Variants in SPIDR observed in about 807,000 individuals in gnomAD.
SPIDR encodes the protein scaffold protein involved in DNA repair, also known as DNA repair-scaffolding protein.
SPIDR carries 93 observed loss-of-function variants against 104.6 expected under a neutral mutation model. That is an observed-to-expected ratio of 0.89 (90% CI 0.75 to 1.06). SPIDR has a LOEUF of 1.06. SPIDR is among the 50% of genes least tolerant of loss of function. The pLI is 0.00. For synonymous variants in SPIDR, 431 were observed against 416.9 expected, an observed-to-expected ratio of 1.03 and a Z score of -0.41; for missense variants, 1,154 against 1,111.2, an observed-to-expected ratio of 1.04 and a Z score of -0.55.
intron 8 of SPIDR, among the ~76,000 whole-genome samples, chr8:47,485,518 A>T (rs544726899): frequency 6.6e-6 from 1 of 152,212 alleles, no homozygotes; most frequent in Non-Finnish European, 1.5e-5. Flanking sequence ...TTCTCCCAGC[A>T]CAGAGTCTGA....
At chr8:47,534,970 T>G (rs933008513) in intron 8 of SPIDR, among the ~76,000 whole-genome samples, 5 of 152,130 alleles carry the variant, frequency 3.3e-5, no homozygotes, top group African/African-American at 1.2e-4. Context: ...CCATTACTAC[T>G]GATCCCATAG....
At chr8:47,702,950 TGGCCAGCAACCTC>T (rs2080527629) in intron 14 of SPIDR, among the ~76,000 whole-genome samples, 1 of 152,194 alleles carries the variant, frequency 6.6e-6, no homozygotes, top group Non-Finnish European at 1.5e-5. Context: ...GCTGGCACCT[TGGCCAGCAACCTC>T]GGCCAGGTGC....
chr8:47,539,721 A>G (rs1281623112), intron 8 of SPIDR, among the ~76,000 whole-genome samples: 1 of 151,622 alleles, frequency 6.6e-6, no homozygotes, highest in African/African-American at 2.4e-5. Context: ...ATACCTGACA[A>G]TCTTAAGGTC....
At chr8:47,349,682 G>T (rs995098379) in intron 5 of SPIDR, among the ~76,000 whole-genome samples, 1 of 152,212 alleles carries the variant, frequency 6.6e-6, no homozygotes, top group Non-Finnish European at 1.5e-5. Flanking sequence ...AATGGCAGTC[G>T]CACCTCCCCC....
intron 5 of SPIDR, among the ~76,000 whole-genome samples, chr8:47,318,031 G>C (rs2045754950): frequency 6.6e-6 from 1 of 152,176 alleles, no homozygotes; most frequent in Admixed American, 6.5e-5. Flanking sequence ...CTAAAAATCA[G>C]AGTGCCTCTC....
At chr8:47,547,894 C>A in intron 8 of SPIDR, 1 of 167,632 alleles carries the variant, frequency 6.0e-6, no homozygotes. Flanking sequence ...AGCTGCTACC[C>A]ACTTTAGATG....
At chr8:47,513,655 G>GA (rs1384138745) in intron 8 of SPIDR, among the ~76,000 whole-genome samples, 1 of 152,160 alleles carries the variant, frequency 6.6e-6, no homozygotes, top group Non-Finnish European at 1.5e-5. Flanking sequence ...AGTATACAGT[G>GA]GACTGATCCA....
intron 14 of SPIDR, among the ~76,000 whole-genome samples, chr8:47,709,756 A>G (rs990627774): frequency 3.5e-4 from 53 of 152,218 alleles, no homozygotes; most frequent in Non-Finnish European, 8.8e-5. Context: ...TGGTATATTA[A>G]TAGATTGAAA....
rs1254706270 is a variant in SPIDR at position 47,736,102 on chromosome 8, TCA to T, written c.*655_*656del. The T allele has an allele frequency of 3.9e-5, 6 of 155,152 alleles. No individual in the cohort carries two copies. Among genetic ancestry groups the T allele is most frequent in the African/African-American group, 1.4e-4 (6 of 41,458 alleles). 9.6% of individuals were successfully genotyped at this position (155,152 alleles called of 1,614,324 possible). A position where few individuals can be genotyped will look rare whatever the true frequency, so the allele number is the denominator to read the frequency against. The stretch of plus-strand genomic sequence containing the variant: ...GGGTAATGTGCACGGAGAGCAAAGA[TCA>T]CAGACTAAGGAGCAGTCAGTCGGAT... On this transcript the variant is annotated 3_prime_UTR_variant, in exon 20 of 20. Transcript: ENST00000297423.
chr8:47,423,658 C>T (rs1397545651), intron 7 of SPIDR, among the ~76,000 whole-genome samples: 1 of 152,054 alleles, frequency 6.6e-6, no homozygotes, highest in South Asian at 2.1e-4. Flanking sequence ...ATGTTGCACC[C>T]AAAGGCCTTG....
chr8:47,396,727 C>A lies in SPIDR; in HGVS notation c.776+101C>A, dbSNP rs1156711626. On this transcript the variant is annotated intron_variant, in intron 6 of 19. Coordinates refer to ENST00000297423, the MANE Select transcript of SPIDR (RefSeq NM_001080394.4). ...TTTTAAGATACTTGTATATGAAGTCCTAAATTCTGGAGCTGATTAATGGAA... is the reference window on the plus strand; with the variant it reads ...TTTTAAGATACTTGTATATGAAGTCATAAATTCTGGAGCTGATTAATGGAA... The A allele has an allele frequency of 2.4e-6, 3 of 1,234,766 alleles. No homozygotes were observed. In the East Asian group the frequency reaches 7.5e-5, roughly 31 times the overall value. The allele number at this position is 1,234,766 out of a possible 1,614,324, so 76.5% of individuals were successfully genotyped here.
rs183563011 is a variant in SPIDR, at chr8:47,600,049, C to T, written c.1544+853C>T. Among the ~76,000 whole-genome samples, 51 of 152,286 alleles carry T rather than the reference C, an allele frequency of 3.3e-4. No homozygotes were observed. In the East Asian group the frequency reaches 8.1e-3, roughly 24 times the overall value. On this transcript the variant is annotated intron_variant, in intron 10 of 19. Coordinates refer to ENST00000297423, the MANE Select transcript of SPIDR (RefSeq NM_001080394.4). ...CTGGTATTACTGGCGTGAGCCACCACGCCCAGTCTGGCATAGCCTTTTGAA... is the reference window on the plus strand; with the variant it reads ...CTGGTATTACTGGCGTGAGCCACCATGCCCAGTCTGGCATAGCCTTTTGAA...
intron 9 of SPIDR, among the ~76,000 whole-genome samples, chr8:47,596,483 A>G (rs376203897): frequency 6.6e-6 from 1 of 152,146 alleles, no homozygotes; most frequent in Admixed American, 6.5e-5. Context: ...GGATAGTAAA[A>G]ATACAGTCCA....
intron 8 of SPIDR, among the ~76,000 whole-genome samples, chr8:47,513,751 A>T (rs1002220965): frequency 6.6e-6 from 1 of 152,134 alleles, no homozygotes; most frequent in African/African-American, 2.4e-5. Context: ...TTATTTTTAG[A>T]TATAAGGGTG....
chr8:47,277,819 C>T (rs1554555371), intron 1 of SPIDR, among the ~76,000 whole-genome samples: 13 of 151,932 alleles, frequency 8.6e-5, no homozygotes, highest in South Asian at 4.2e-4. Flanking sequence ...GGACTACAGG[C>T]GCACACCACC....
chr8:47,711,933 A>T (rs2071929176), intron 14 of SPIDR, among the ~76,000 whole-genome samples: 1 of 152,130 alleles, frequency 6.6e-6, no homozygotes, highest in Non-Finnish European at 1.5e-5. Flanking sequence ...CAGTCCTGTT[A>T]ACTGGCCATG....
At chr8:47,484,214 AC>A (rs2077237796) in intron 8 of SPIDR, among the ~76,000 whole-genome samples, 2 of 152,252 alleles carry the variant, frequency 1.3e-5, no homozygotes, top group South Asian at 4.1e-4. Context: ...AATTTTCTTC[AC>A]CAAAGTCAGG....
At chr8:47,290,189 C>T (rs1033509044) in intron 3 of SPIDR, among the ~76,000 whole-genome samples, 3 of 152,090 alleles carry the variant, frequency 2.0e-5, no homozygotes, top group South Asian at 2.1e-4. Context: ...TTACAGGCAC[C>T]CGCAACCACG....
intron 5 of SPIDR, among the ~76,000 whole-genome samples, chr8:47,353,626 T>C (rs1480173434): frequency 6.6e-6 from 1 of 152,148 alleles, no homozygotes; most frequent in Non-Finnish European, 1.5e-5. Context: ...GAATTAAATA[T>C]GTACCAAACA....
Sources: allele counts gnomAD v4.1 joint callset (sites outside exome capture counted in the v4.1 genomes callset), GRCh38; gene constraint gnomAD v4.1.1; transcripts MANE v1.5; gene names NCBI Gene and HGNC (gene_info 2026-07-23, HGNC 2026-07-21).